The following USH2A variants were observed in gnomAD, a reference collection of about 807,000 sequenced individuals.
USH2A encodes the protein usherin.
In USH2A, 443 loss-of-function variants were observed where a neutral mutation model predicts 538.9. That is an observed-to-expected ratio of 0.82 (90% CI 0.76 to 0.89). The LOEUF (loss-of-function observed/expected upper bound fraction) is 0.89, where lower values mean the gene tolerates loss of function less well. Among genes scored for constraint, USH2A ranks in the 40% least tolerant of loss-of-function variants. The probability of loss-of-function intolerance (pLI) is 0.00; values close to 1 mark genes in which losing one functional copy is unlikely to be tolerated. For synonymous variants in USH2A, 2,413 were observed against 2,273.5 expected (o/e 1.06, Z -1.75); for missense variants, 6,633 against 6,324.8 (o/e 1.05, Z -1.65).
chr1:216,033,285 C>G (rs1441380148), intron 32 of USH2A, among the ~76,000 whole-genome samples: 1 of 152,198 alleles, frequency 6.6e-6, no homozygotes, highest in Non-Finnish European at 1.5e-5. Flanking sequence ...AAACTATCAT[C>G]TCTCTGTATG....
chr1:215,954,757 A>G (rs1369138875), intron 37 of USH2A, among the ~76,000 whole-genome samples: 1 of 152,106 alleles, frequency 6.6e-6, no homozygotes, highest in Non-Finnish European at 1.5e-5. Context: ...ATTTTTTGTA[A>G]TTATTGCAAC....
At chr1:215,879,922 A>T (rs558990350) in intron 41 of USH2A, among the ~76,000 whole-genome samples, 2 of 152,208 alleles carry the variant, frequency 1.3e-5, no homozygotes, top group Non-Finnish European at 2.9e-5. Flanking sequence ...ATCCTCTTTC[A>T]TCTCTTTTAT....
intron 41 of USH2A, among the ~76,000 whole-genome samples, chr1:215,881,355 G>A (rs1664903352): frequency 6.6e-6 from 1 of 152,100 alleles, no homozygotes; most frequent in South Asian, 2.1e-4. Context: ...GGCCAGGCTG[G>A]TCTCGAACTC....
intron 30 of USH2A, 102 bp from the exon 31 acceptor site, chr1:216,048,749 A>C: frequency 2.0e-6 from 2 of 978,882 alleles, no homozygotes; most frequent in Non-Finnish European, 3.3e-6. Flanking sequence ...GAGAGAGACA[A>C]AAACAAAGAG....
rs145487972 is a variant in USH2A, at chr1:216,155,234, T to C, written c.4627+20018A>G. 9.3e-3 allele frequency among the ~76,000 whole-genome samples: 1,412 copies of C among 152,196 alleles called. 22 individuals are homozygous for C. Among genetic ancestry groups the C allele is most frequent in the African/African-American group, 0.03 (1,265 of 41,514 alleles). ...ACTAACCTCCTCCCTTCTCAGAGAC[T>C]AAAAACCACCTTCATAAGACTAATG... On this transcript the variant is annotated intron_variant, in intron 21 of 71. Transcript: ENST00000307340.
intron 3 of USH2A, among the ~76,000 whole-genome samples, chr1:216,382,521 T>C (rs981691537): frequency 6.6e-6 from 1 of 152,136 alleles, no homozygotes; most frequent in African/African-American, 2.4e-5. Context: ...CCATTCCAAC[T>C]GAAGAAATCT....
chr1:216,213,790 T>A (rs765542512), intron 15 of USH2A, among the ~76,000 whole-genome samples: 29 of 151,770 alleles, frequency 1.9e-4, no homozygotes, highest in Non-Finnish European at 3.0e-4. Flanking sequence ...ATAAAAAAAA[T>A]GAAAAACAAA....
chr1:216,389,899 G>T (rs1482169370), intron 3 of USH2A, among the ~76,000 whole-genome samples: 1 of 151,890 alleles, frequency 6.6e-6, no homozygotes, highest in Non-Finnish European at 1.5e-5. Context: ...CTAATGCTCA[G>T]GTATCAGGTG....
chr1:216,380,231 A>C (rs2102732455), intron 3 of USH2A, among the ~76,000 whole-genome samples: 1 of 152,316 alleles, frequency 6.6e-6, no homozygotes, highest in Middle Eastern at 3.4e-3. Flanking sequence ...AATGAAATTC[A>C]CTGTAGTTAA....
intron 21 of USH2A, among the ~76,000 whole-genome samples, chr1:216,099,136 C>T (rs2032517782): frequency 6.6e-6 from 1 of 152,184 alleles, no homozygotes; most frequent in African/African-American, 2.4e-5. Flanking sequence ...TTTATCCTGG[C>T]CTTCTTGACT....
intron 37 of USH2A, among the ~76,000 whole-genome samples, chr1:215,959,779 T>G (rs1667152296): frequency 6.6e-6 from 1 of 152,022 alleles, no homozygotes; most frequent in Admixed American, 6.6e-5. Context: ...TGCAATCCAG[T>G]TTTTCAGAGC....
chr1:216,199,582 T>A, intron 17 of USH2A, 45 bp downstream of exon 17: 1 of 1,612,918 alleles, frequency 6.2e-7, no homozygotes. Flanking sequence ...TAGATTCTCA[T>A]TCATGTCTTG....
chr1:215,684,241 C>T (rs1292339597), intron 61 of USH2A, among the ~76,000 whole-genome samples: 3 of 152,196 alleles, frequency 2.0e-5, no homozygotes, highest in African/African-American at 7.2e-5. Flanking sequence ...AACCTCTCGA[C>T]TCAGCTCCTG....
chr1:216,062,860 G>A (rs1170456636), intron 30 of USH2A, among the ~76,000 whole-genome samples: 1 of 152,050 alleles, frequency 6.6e-6, no homozygotes, highest in Non-Finnish European at 1.5e-5. Context: ...GCTGAAGAAA[G>A]ACCCAAATCT....
intron 9 of USH2A, among the ~76,000 whole-genome samples, chr1:216,311,147 C>G (rs2037412994): frequency 6.6e-6 from 1 of 152,186 alleles, no homozygotes; most frequent in Non-Finnish European, 1.5e-5. Context: ...CTGCATTGGT[C>G]AAGTTACAGA....
At chr1:216,163,366 TG>T (rs1367222249) in intron 21 of USH2A, among the ~76,000 whole-genome samples, 1 of 152,086 alleles carries the variant, frequency 6.6e-6, no homozygotes, top group Non-Finnish European at 1.5e-5. Flanking sequence ...AGTCTGTGTC[TG>T]GATATATGCA....
Position 215,662,624 on chromosome 1 carries a change from G to C in USH2A, c.14133+8348C>G, listed in dbSNP as rs549528477. Among the ~76,000 whole-genome samples the C allele has an allele frequency of 5.3e-5, 8 of 152,350 alleles. No individual in the cohort carries two copies. In the South Asian group the frequency reaches 1.7e-3, roughly 32 times the overall value. On this transcript the variant is annotated intron_variant, in intron 64 of 71. Transcript: ENST00000307340. ...GCCCTGGGCCTAGTGGCGAACTTTA[G>C]TTTTCTATACATGGAAATGTCCCAG...
At chr1:215,980,656 T>A (rs953060107) in intron 35 of USH2A, among the ~76,000 whole-genome samples, 2 of 152,104 alleles carry the variant, frequency 1.3e-5, no homozygotes, top group Middle Eastern at 3.2e-3. Context: ...AATGCATCCC[T>A]TAACAACATA....
In USH2A at chr1:216,246,618, G is replaced by A. The variant is rs749621457; in HGVS notation, c.2776C>T (p.Arg926Cys). Residue 926 changes from arginine (R) to cysteine (C), a missense_variant, in exon 13 of 72, where the codon CGT becomes TGT. By Grantham distance (180) the Arg-to-Cys change is radical (BLOSUM62 -3). Transcript: ENST00000307340. ...CACTGATTACACCTTCTTCCTTGAC[G>A]ATTAGGCACACACAGGCACTGGCCA... ...ISGQCLCVPN[R>C]QGRRCNQCQP... 26 of 1,613,886 alleles carry A rather than the reference G, an allele frequency of 1.6e-5. No homozygotes were observed. In the East Asian group the frequency reaches 2.0e-4, roughly 12 times the overall value.
Sources: gnomAD v4.1 joint callset for allele counts (sites outside exome capture counted in the v4.1 genomes callset) on GRCh38, gnomAD v4.1.1 for gene constraint, MANE v1.5 for transcripts, NCBI Gene and HGNC (gene_info 2026-07-23, HGNC 2026-07-21) for gene names.